The following NXN variants were observed in gnomAD, a reference collection of about 807,000 sequenced individuals.
NXN encodes the protein nucleoredoxin 1.
Under a neutral mutation model 48.6 loss-of-function variants are expected in NXN, and 16 were observed. The ratio of observed to expected loss-of-function variants is 0.33; its 90% CI spans 0.22 to 0.50. The LOEUF (loss-of-function observed/expected upper bound fraction) is 0.50. Ranked by LOEUF, NXN falls within the 20% of genes least tolerant of loss-of-function variation. The pLI, the probability that NXN is intolerant of heterozygous loss-of-function variation, is 0.98. For synonymous variants in NXN, 281 were observed against 269.6 expected, an observed-to-expected ratio of 1.04 and a Z score of -0.41; for missense variants, 492 against 605.5, an observed-to-expected ratio of 0.81 and a Z score of 1.97.
At chr17:831,583 T>A (rs1913477069) in intron 1 of NXN, among the ~76,000 whole-genome samples, 1 of 151,956 alleles carries the variant, frequency 6.6e-6, no homozygotes, top group South Asian at 2.1e-4. Context: ...CATTGCAACC[T>A]CCACCTCCCA....
At position 979,507 on chromosome 17, in the gene NXN, C is replaced by G. The variant is rs1213053550; in HGVS notation, c.172G>C (p.Gly58Arg). Residue 58 changes from glycine to arginine, a missense_variant, in exon 1 of 8, where the codon GGG becomes CGG. Gly to Arg is a moderately radical substitution (Grantham distance 125). This residue lies in a region of NXN where 186 missense variants were observed against 199.1 expected (regional missense o/e 0.93). Coordinates refer to ENST00000336868, the MANE Select transcript of NXN (RefSeq NM_022463.5). ...GCCGCCGCGTCCCCCCGCAGGCGCCCGTAGAAGGCGGCCAGGCTGGCGCTG... is the reference window on the plus strand; with the variant it reads ...GCCGCCGCGTCCCCCCGCAGGCGCCGGTAGAAGGCGGCCAGGCTGGCGCTG... ...QLSASLAAFY[G>R]RLRGDAAAGP... 1.6e-6 allele frequency: 2 copies of G among 1,240,440 alleles called. No individual in the cohort carries two copies. The highest frequency in any genetic ancestry group is 2.0e-6 in the Non-Finnish European group (2 of 987,042). The allele number at this position is 1,240,440 out of a possible 1,614,324, so 76.8% of individuals were successfully genotyped here. A position where few individuals can be genotyped will look rare whatever the true frequency, so the allele number is the denominator to read the frequency against.
At chr17:889,723 GA>G (rs1223072609) in intron 1 of NXN, among the ~76,000 whole-genome samples, 7 of 61,318 alleles carry the variant, frequency 1.1e-4, no homozygotes, top group Non-Finnish European at 1.9e-4. Flanking sequence ...AAGAAAGAAA[GA>G]AAGAAAGAAA....
At chr17:924,211 TTTTTA>T (rs1445714101) in intron 1 of NXN, among the ~76,000 whole-genome samples, 9 of 147,824 alleles carry the variant, frequency 6.1e-5, no homozygotes, top group Non-Finnish European at 1.2e-4. Context: ...CCCGACTAAT[TTTTTA>T]TTTTATTTAT....
intron 1 of NXN, among the ~76,000 whole-genome samples, chr17:922,421 G>A (rs754696429): frequency 1.3e-5 from 2 of 151,916 alleles, no homozygotes; most frequent in Non-Finnish European, 2.9e-5. Context: ...TCCAGCCTGG[G>A]CAACAAGAGC....
At chr17:871,244 A>G (rs945294378) in intron 1 of NXN, among the ~76,000 whole-genome samples, 5 of 151,970 alleles carry the variant, frequency 3.3e-5, no homozygotes, top group Non-Finnish European at 1.5e-5. Flanking sequence ...GGGAGTGTAC[A>G]TACAACCTCC....
chr17:888,959 T>C (rs1267565261), intron 1 of NXN, among the ~76,000 whole-genome samples: 1 of 73,148 alleles, frequency 1.4e-5, no homozygotes, highest in Non-Finnish European at 2.4e-5. Context: ...CAAAACTCCA[T>C]CTCAAAAAAA....
intron 1 of NXN, among the ~76,000 whole-genome samples, chr17:889,731 GAA>G (rs1242234781): frequency 0.056 from 4,531 of 80,616 alleles, 186 homozygotes; most frequent in African/African-American, 0.14. Flanking sequence ...AAGAAAGAAA[GAA>G]AGAAAGAAAG....
intron 1 of NXN, among the ~76,000 whole-genome samples, chr17:892,138 C>G (rs994383538): frequency 1.3e-5 from 2 of 151,200 alleles, no homozygotes; most frequent in Non-Finnish European, 3.0e-5. Flanking sequence ...AAGCTAACCC[C>G]ACCATGCACA....
At position 870,993 on chromosome 17, in the gene NXN, G is replaced by A. The variant is rs571054685; in HGVS notation, c.361-44915C>T. ...CCTGCCTCAGCCTCCCGAGTAGCTC[G>A]GACTACAGGCGCCCGCCATCACGCC... On this transcript the variant is annotated intron_variant, in intron 1 of 7. Transcript: ENST00000336868. Among the ~76,000 whole-genome samples, 111 of 152,046 alleles carry A rather than the reference G, an allele frequency of 7.3e-4. 1 individual carries two copies. Among genetic ancestry groups the A allele is most frequent in the Middle Eastern group, 3.4e-3 (1 of 294 alleles).
intron 1 of NXN, 101 bp downstream of exon 1, chr17:979,211 CAGGGGGA>C: frequency 2.3e-6 from 1 of 427,430 alleles, no homozygotes; most frequent in Non-Finnish European, 3.0e-6. Context: ...GGAGGGCGGG[CAGGGGGA>C]CAACGGGGTT....
chr17:805,541 T>G (rs1911446680), intron 5 of NXN, among the ~76,000 whole-genome samples: 1 of 152,170 alleles, frequency 6.6e-6, no homozygotes, highest in South Asian at 2.1e-4. Flanking sequence ...CGTTCCTACC[T>G]TATTCCGCTA....
intron 1 of NXN, among the ~76,000 whole-genome samples, chr17:844,460 GC>G (rs35307996): frequency 0.14 from 20,881 of 152,256 alleles, 1,817 homozygotes; most frequent in Middle Eastern, 0.29. Context: ...CCTAACCCCA[GC>G]CCATCCACTC....
chr17:822,662 G>A (rs552603707), intron 3 of NXN, among the ~76,000 whole-genome samples: 1 of 152,292 alleles, frequency 6.6e-6, no homozygotes, highest in African/African-American at 2.4e-5. Flanking sequence ...TTTGAGGCCA[G>A]CCTGGGCAAC....
intron 1 of NXN, among the ~76,000 whole-genome samples, chr17:902,945 A>G (rs2068550544): frequency 6.6e-6 from 1 of 150,658 alleles, no homozygotes; most frequent in Admixed American, 6.6e-5. Flanking sequence ...AATTTTTTAT[A>G]TTTTTAGTAG....
chr17:816,823 A>G (rs1912494613), intron 5 of NXN, among the ~76,000 whole-genome samples: 1 of 152,074 alleles, frequency 6.6e-6, no homozygotes, highest in Non-Finnish European at 1.5e-5. Context: ...TGACCCCCAC[A>G]CAGTGGTAAT....
chr17:979,261 G>T, intron 1 of NXN, 58 bp downstream of exon 1: 1 of 1,273,996 alleles, frequency 7.8e-7, no homozygotes. Flanking sequence ...CGTGGGGGGC[G>T]GGCAGGGGTA....
chr17:923,209 G>A (rs929040641), intron 1 of NXN, among the ~76,000 whole-genome samples: 9 of 152,144 alleles, frequency 5.9e-5, no homozygotes, highest in Non-Finnish European at 1.2e-4. Context: ...CAAGGCAGGA[G>A]GTTTTTACTA....
chr17:879,012 A>T (rs2144829749), intron 1 of NXN, among the ~76,000 whole-genome samples: 1 of 152,014 alleles, frequency 6.6e-6, no homozygotes, highest in Admixed American at 6.6e-5. Context: ...TAAAAATACA[A>T]AAACTAGCCA....
intron 1 of NXN, among the ~76,000 whole-genome samples, chr17:974,444 TATGAA>T (rs746201029): frequency 6.6e-6 from 1 of 152,126 alleles, no homozygotes; most frequent in Non-Finnish European, 1.5e-5. Flanking sequence ...AGGCTCAAGC[TATGAA>T]ATGAATGACT....
Sources: gnomAD v4.1 joint callset for allele counts (sites outside exome capture counted in the v4.1 genomes callset) on GRCh38, gnomAD v4.1.1 for gene constraint, gnomAD v4.1.1 regional missense constraint, MANE v1.5 for transcripts, NCBI Gene and HGNC (gene_info 2026-07-23, HGNC 2026-07-21) for gene names.